WDR7: variants seen among roughly 807,000 people sequenced by gnomAD.
WDR7 encodes WD repeat domain 7.
WDR7 carries 46 observed loss-of-function variants against 169.4 expected under a neutral mutation model. The observed-to-expected ratio is 0.27, with a 90% confidence interval of 0.21 to 0.35. The LOEUF (loss-of-function observed/expected upper bound fraction) is 0.35, where lower values mean the gene tolerates loss of function less well. Ranked by LOEUF, WDR7 falls within the 10% of genes least tolerant of loss-of-function variation. WDR7 has a pLI of 1.00. For synonymous variants in WDR7, 612 were observed against 666.8 expected (o/e 0.92, Z 1.27); for missense variants, 1,534 against 1,859.3 (o/e 0.83, Z 3.22).
chr18:57,034,868 A>T, the WDR7 span: 1 of 152,100 alleles, frequency 6.6e-6, no homozygotes, highest in Non-Finnish European at 1.5e-5. Flanking sequence ...CATCTCCTAC[A>T]GCCAAACATG....
chr18:56,682,882 T>C (rs1172226664), intron 5 of WDR7, 29 bp downstream of exon 5: 2 of 1,595,488 alleles, frequency 1.3e-6, no homozygotes, highest in Non-Finnish European at 1.7e-6. Context: ...TTAGGAGCTT[T>C]AGCACCATGA....
chr18:56,986,128 TTGTGTGTGTGTGTGTGTGTGTGTGTG>T (rs60449836), intron 26 of WDR7, among the ~76,000 whole-genome samples: 3 of 136,258 alleles, frequency 2.2e-5, no homozygotes, highest in East Asian at 2.2e-4. Context: ...TTCAGCTTCT[TTGTGTGTGTGTGTGTGTGTGTGTGTG>T]TGTGTGTGTG....
intron 26 of WDR7, among the ~76,000 whole-genome samples, chr18:57,003,681 T>C (rs557483438): frequency 1.3e-5 from 2 of 152,252 alleles, no homozygotes; most frequent in South Asian, 2.1e-4. Flanking sequence ...TTTCAGTAAA[T>C]ATTTTTTAAA....
At chr18:56,748,505 G>A (rs1029079925) in intron 14 of WDR7, among the ~76,000 whole-genome samples, 1 of 152,018 alleles carries the variant, frequency 6.6e-6, no homozygotes, top group African/African-American at 2.4e-5. Flanking sequence ...TTTATCAAAG[G>A]CATGACCTAA....
intron 7 of WDR7, among the ~76,000 whole-genome samples, chr18:56,690,940 G>A (rs1430882602): frequency 6.6e-6 from 1 of 152,164 alleles, no homozygotes; most frequent in Admixed American, 6.5e-5. Flanking sequence ...TAGAAAGTCT[G>A]AGGATAACTG....
At chr18:56,858,987 G>A (rs2045763655) in intron 20 of WDR7, among the ~76,000 whole-genome samples, 1 of 152,162 alleles carries the variant, frequency 6.6e-6, no homozygotes, top group South Asian at 2.1e-4. Context: ...AGATGAAGAA[G>A]ACGGTGGCCA....
chr18:56,802,787 T>C (rs950698065), intron 19 of WDR7, among the ~76,000 whole-genome samples: 6 of 152,162 alleles, frequency 3.9e-5, no homozygotes, highest in East Asian at 1.9e-4. Flanking sequence ...AACAACGTCC[T>C]TTGCAGAGCA....
intron 16 of WDR7, among the ~76,000 whole-genome samples, chr18:56,763,004 A>AG (rs1461554437): frequency 6.6e-6 from 1 of 151,030 alleles, no homozygotes; most frequent in Non-Finnish European, 1.5e-5. Flanking sequence ...TCTGTCGCCC[A>AG]GGCTGGAGTG....
At chr18:56,834,198 G>A (rs1448594759) in intron 20 of WDR7, among the ~76,000 whole-genome samples, 2 of 152,122 alleles carry the variant, frequency 1.3e-5, no homozygotes, top group Non-Finnish European at 1.5e-5. Flanking sequence ...TCTCTACTAG[G>A]TGCCAGCAAG....
At chr18:56,784,959 C>T (rs1458941587) in intron 19 of WDR7, among the ~76,000 whole-genome samples, 3 of 151,264 alleles carry the variant, frequency 2.0e-5, no homozygotes, top group Non-Finnish European at 4.4e-5. Flanking sequence ...CTACATGTAA[C>T]TGAAACATGC....
intron 20 of WDR7, among the ~76,000 whole-genome samples, chr18:56,830,148 C>T (rs1036257886): frequency 2.0e-5 from 3 of 152,248 alleles, no homozygotes; most frequent in African/African-American, 7.2e-5. Flanking sequence ...CTGAGTTTAC[C>T]ACACTCTTGA....
intron 1 of WDR7, among the ~76,000 whole-genome samples, chr18:56,660,030 T>C (rs547574530): frequency 1.3e-5 from 2 of 152,198 alleles, no homozygotes; most frequent in Admixed American, 1.3e-4. Flanking sequence ...TGGATATGAT[T>C]TGAAGGTATA....
At chr18:57,005,700 A>G (rs2048046368) in intron 26 of WDR7, among the ~76,000 whole-genome samples, 1 of 152,160 alleles carries the variant, frequency 6.6e-6, no homozygotes, top group African/African-American at 2.4e-5. Context: ...AAAGAAAAAA[A>G]TATTTAAATC....
In WDR7 at chr18:56,686,030, C is replaced by T; in HGVS notation, c.595C>T (p.Gln199Ter). Reference protein sequence around the residue: ...WIVTSEISDMQDTEPIFEEES... With the variant: ...WIVTSEISDM ...TGTTACCTCGGAAATAAGTGACATG[C>T]AGGTGAGAAAAAGGAAACTGGGGTG... Residue 199 changes from glutamine to a stop codon, truncating the protein, a stop_gained and splice_region_variant, in exon 6 of 28, where the codon CAG becomes TAG. Transcript: ENST00000254442. LOFTEE classifies it high-confidence loss of function. 1 of 1,587,366 alleles carries T rather than the reference C, an allele frequency of 6.3e-7. No homozygotes were observed. The highest frequency in any genetic ancestry group is 8.5e-7 in the Non-Finnish European group (1 of 1,171,472).
intron 19 of WDR7, among the ~76,000 whole-genome samples, chr18:56,812,332 GC>G (rs1250284747): frequency 6.6e-6 from 1 of 152,146 alleles, no homozygotes; most frequent in Non-Finnish European, 1.5e-5. Flanking sequence ...ATATTTTGCA[GC>G]CTTGCTGAAC....
Position 56,935,857 on chromosome 18 carries a change from C to T in WDR7, c.3783C>T (p.Leu1261=), listed in dbSNP as rs1188743894. 1 of 1,614,184 alleles carries T rather than the reference C, an allele frequency of 6.2e-7. No homozygotes were observed. The highest frequency in any genetic ancestry group is 8.5e-7 in the Non-Finnish European group (1 of 1,180,030). Residue 1261 remains leucine, a synonymous_variant, in exon 23 of 28, where the codon CTC becomes CTT. Coordinates refer to ENST00000254442, the MANE Select transcript of WDR7 (RefSeq NM_015285.3). ...GCTCTGCGAGGCATGCCCTCTCGCT[C>T]ATTGCCACCGCCAGACCACCCGCCT... ...SARSARHALS[L]IATARPPAFI... is the part of the protein sequence containing the mutation.
At chr18:56,983,371 G>A (rs889582478) in intron 26 of WDR7, among the ~76,000 whole-genome samples, 15 of 152,262 alleles carry the variant, frequency 9.9e-5, no homozygotes, top group Middle Eastern at 3.4e-3. Flanking sequence ...TCTGTGGCTT[G>A]CTATAGTACT....
chr18:56,776,081 A>G (rs1156512987), intron 16 of WDR7, among the ~76,000 whole-genome samples: 3 of 152,158 alleles, frequency 2.0e-5, no homozygotes, highest in African/African-American at 4.8e-5. Context: ...TTTCTTGGCA[A>G]CATAACTTTC....
chr18:56,936,071 T>A, intron 23 of WDR7, 166 bp downstream of exon 23: 1 of 598,510 alleles, frequency 1.7e-6, no homozygotes. Flanking sequence ...GCATGTACAC[T>A]GAATTCCACG....
Sources: allele counts gnomAD v4.1 joint callset (sites outside exome capture counted in the v4.1 genomes callset), GRCh38; gene constraint gnomAD v4.1.1; transcripts MANE v1.5; gene names NCBI Gene and HGNC (gene_info 2026-07-23, HGNC 2026-07-21).